The following NCOA7 variants were observed in gnomAD, a reference collection of about 807,000 sequenced individuals.
NCOA7 encodes 140 kDa estrogen receptor-associated protein.
Under a neutral mutation model 104.3 loss-of-function variants are expected in NCOA7, and 45 were observed. That is an observed-to-expected ratio of 0.43 (90% CI 0.34 to 0.55). The LOEUF is 0.55. NCOA7 is among the 20% of genes least tolerant of loss of function. NCOA7 has a pLI of 0.02. For missense variants in NCOA7, 1,041 were observed against 1,119.7 expected, an observed-to-expected ratio of 0.93 and a Z score of 1.00; for synonymous variants, 398 against 402.3, an observed-to-expected ratio of 0.99 and a Z score of 0.13.
At chr6:125,791,771 A>T (rs1388775034) in intron 1 of NCOA7, among the ~76,000 whole-genome samples, 1 of 152,194 alleles carries the variant, frequency 6.6e-6, no homozygotes, top group Non-Finnish European at 1.5e-5. Context: ...GTACCGGGTC[A>T]GCCAGCAGAG....
intron 1 of NCOA7, among the ~76,000 whole-genome samples, chr6:125,802,772 TA>T (rs1296692734): frequency 6.6e-6 from 1 of 152,184 alleles, no homozygotes; most frequent in East Asian, 1.9e-4. Flanking sequence ...CAATAAACCT[TA>T]AAAAGAAAAA....
At chr6:125,822,502 T>G (rs1474502438) in intron 2 of NCOA7, among the ~76,000 whole-genome samples, 1 of 152,184 alleles carries the variant, frequency 6.6e-6, no homozygotes, top group Non-Finnish European at 1.5e-5. Flanking sequence ...TTACCCCAAA[T>G]CACTTAGCCT....
intron 1 of NCOA7, among the ~76,000 whole-genome samples, chr6:125,801,449 G>C (rs1775879211): frequency 6.6e-6 from 1 of 152,190 alleles, no homozygotes; most frequent in African/African-American, 2.4e-5. Flanking sequence ...TTTTGGAGCA[G>C]TATCCTATTG....
Position 125,855,098 on chromosome 6 carries a change from A to C in NCOA7, c.129A>C (p.Glu43Asp). The change falls in exon 3 of 16, where the codon GAA (glutamate) becomes GAC (aspartate). Residue 43 changes from glutamate to aspartate, a missense_variant. By Grantham distance (45) the Glu-to-Asp change is conservative. Coordinates refer to ENST00000392477, the MANE Select transcript of NCOA7 (RefSeq NM_181782.5). ...AVATRTHTGKEDNNTVVLEPD... is the reference protein window; with the variant it reads ...AVATRTHTGKDDNNTVVLEPD... ...CTACAAGGACTCATACTGGGAAGGA[A>C]GATAATAATACAGTAGTTTTAGAGC... 6.2e-7 allele frequency: 1 copy of C among 1,613,478 alleles called. No individual in the cohort carries two copies. Among genetic ancestry groups the C allele is most frequent in the East Asian group, 2.2e-5 (1 of 44,844 alleles).
chr6:125,830,683 G>T (rs1396026960), intron 2 of NCOA7, among the ~76,000 whole-genome samples: 1 of 148,734 alleles, frequency 6.7e-6, no homozygotes, highest in East Asian at 2.0e-4. Context: ...CTCCAGATTG[G>T]GTGACAAAGT....
intron 3 of NCOA7, among the ~76,000 whole-genome samples, chr6:125,870,597 A>G (rs1782809012): frequency 6.6e-6 from 1 of 152,098 alleles, no homozygotes; most frequent in Non-Finnish European, 1.5e-5. Flanking sequence ...TTCATCCAAG[A>G]CTTCAGTATC....
intron 8 of NCOA7, among the ~76,000 whole-genome samples, chr6:125,887,939 A>AT (rs1784371191): frequency 6.6e-6 from 1 of 152,016 alleles, no homozygotes; most frequent in African/African-American, 2.4e-5. Context: ...TTCAACTTTT[A>AT]TTTTAAGTTC....
chr6:125,870,078 AG>A (rs964058081), intron 3 of NCOA7, among the ~76,000 whole-genome samples: 3 of 152,194 alleles, frequency 2.0e-5, no homozygotes, highest in African/African-American at 7.2e-5. Context: ...ATAACCATAC[AG>A]GTAGCCGCTT....
chr6:125,813,786 T>C (rs1777304125), intron 1 of NCOA7, among the ~76,000 whole-genome samples: 1 of 152,156 alleles, frequency 6.6e-6, no homozygotes, highest in African/African-American at 2.4e-5. Context: ...TAGTGTGTGC[T>C]CAGGATACCT....
At chr6:125,839,886 A>G (rs1461763559) in intron 2 of NCOA7, among the ~76,000 whole-genome samples, 1 of 152,104 alleles carries the variant, frequency 6.6e-6, no homozygotes, top group Admixed American at 6.5e-5. Flanking sequence ...AATACTTGAT[A>G]ATGATGATAA....
chr6:125,931,817 A>T lies in NCOA7; in HGVS notation c.*3046A>T, dbSNP rs958974005. ...GGACCTAGTGGGATGTGATTAGAAC[A>T]TGGGGGCGGTTTCCCCCATGCTGTT... On this transcript the variant is annotated 3_prime_UTR_variant, in exon 16 of 16. Coordinates refer to ENST00000392477, the MANE Select transcript of NCOA7 (RefSeq NM_181782.5). 11 of 152,194 alleles carry T rather than the reference A, an allele frequency of 7.2e-5. No homozygotes were observed. Among genetic ancestry groups the T allele is most frequent in the African/African-American group, 2.7e-4 (11 of 41,436 alleles). 9.4% of individuals were successfully genotyped at this position (152,194 alleles called of 1,614,324 possible). A position where few individuals can be genotyped will look rare whatever the true frequency, so the allele number is the denominator to read the frequency against.
intron 1 of NCOA7, among the ~76,000 whole-genome samples, chr6:125,794,014 C>A (rs1194652752): frequency 6.6e-6 from 1 of 152,146 alleles, no homozygotes; most frequent in South Asian, 2.1e-4. Context: ...CTATTCCCTT[C>A]CAATACTAGC....
rs1787386733 is a variant in NCOA7, at chr6:125,919,529, T to C, written c.2245-1414T>C. 6 of 1,202,318 alleles carry C rather than the reference T, an allele frequency of 5.0e-6. 1 individual carries two copies. In the South Asian group the frequency reaches 6.6e-5, roughly 13 times the overall value. The allele number at this position is 1,202,318 out of a possible 1,614,324, so 74.5% of individuals were successfully genotyped here. ...TGAAAGTCGTTCTAATTAGAAAGGA[T>C]TGTGCTGACATTTCTACCAGCAGGT... On this transcript the variant is annotated intron_variant, in intron 11 of 15. Transcript: ENST00000392477.
chr6:125,909,622 A>T (rs1384714964), intron 10 of NCOA7, among the ~76,000 whole-genome samples: 2 of 152,164 alleles, frequency 1.3e-5, no homozygotes, highest in African/African-American at 4.8e-5. Flanking sequence ...CATCCTGGCT[A>T]ACATGGTGAA....
chr6:125,866,196 G>A (rs1782427091), intron 3 of NCOA7, among the ~76,000 whole-genome samples: 1 of 151,370 alleles, frequency 6.6e-6, no homozygotes, highest in Non-Finnish European at 1.5e-5. Context: ...GGGCATGGTG[G>A]CACATGCCTG....
At chr6:125,896,820 A>T (rs1276435290) in intron 10 of NCOA7, among the ~76,000 whole-genome samples, 1 of 152,204 alleles carries the variant, frequency 6.6e-6, no homozygotes, top group African/African-American at 2.4e-5. Context: ...GATTATTTAT[A>T]CCTTAATATA....
chr6:125,905,577 A>G (rs1018663561), intron 10 of NCOA7, among the ~76,000 whole-genome samples: 1 of 152,142 alleles, frequency 6.6e-6, no homozygotes, highest in Non-Finnish European at 1.5e-5. Flanking sequence ...TAAGATTTTA[A>G]AACCTGCCAC....
rs1786982270 is a variant in NCOA7, at chr6:125,915,435, C to T, written c.2199C>T (p.Asn733=). Residue 733 remains asparagine (N), a synonymous_variant, in exon 11 of 16, where the codon AAC becomes AAT. Transcript: ENST00000392477. ...GFVVVEKEEL[N]MIDNFFSEPT... ...TGGTGGTGGAGAAGGAAGAACTGAA[C>T]ATGATTGACAACTTCTTCAGTGAGC... 1 of 1,613,740 alleles carries T rather than the reference C, an allele frequency of 6.2e-7. No homozygotes were observed. The highest frequency in any genetic ancestry group is 1.3e-5 in the African/African-American group (1 of 74,902).
chr6:125,903,532 A>G (rs747169177), intron 10 of NCOA7, among the ~76,000 whole-genome samples: 1 of 152,190 alleles, frequency 6.6e-6, no homozygotes, highest in African/African-American at 2.4e-5. Context: ...AGCTATTCAC[A>G]TACATTCCCT....
Sources: allele counts gnomAD v4.1 joint callset (sites outside exome capture counted in the v4.1 genomes callset), GRCh38; gene constraint gnomAD v4.1.1; transcripts MANE v1.5; gene names NCBI Gene and HGNC (gene_info 2026-07-23, HGNC 2026-07-21).